Variants in CROT observed in about 807,000 individuals in gnomAD.
The protein encoded by CROT is peroxisomal carnitine O-octanoyltransferase.
In CROT, 84 loss-of-function variants were observed where a neutral mutation model predicts 89.2. That is an observed-to-expected ratio of 0.94 (90% CI 0.79 to 1.13). CROT has a LOEUF of 1.13. Among genes scored for constraint, CROT ranks in the 50% most tolerant of loss-of-function variants. The pLI is 0.00. For synonymous variants in CROT, 212 were observed against 239.5 expected, an observed-to-expected ratio of 0.89 and a Z score of 1.06; for missense variants, 711 against 727.8, an observed-to-expected ratio of 0.98 and a Z score of 0.27.
intron 3 of CROT, among the ~76,000 whole-genome samples, chr7:87,355,887 C>T (rs1470262626): frequency 6.6e-6 from 1 of 152,172 alleles, no homozygotes; most frequent in Non-Finnish European, 1.5e-5. Flanking sequence ...ACAAAGAGCA[C>T]TCACCTATAC....
At chr7:87,354,773 T>C (rs1310272118) in intron 3 of CROT, among the ~76,000 whole-genome samples, 1 of 152,206 alleles carries the variant, frequency 6.6e-6, no homozygotes, top group Non-Finnish European at 1.5e-5. Context: ...TAAAATTTCT[T>C]GTAATTTTAT....
At chr7:87,362,189 T>C (rs1423581916) in intron 6 of CROT, among the ~76,000 whole-genome samples, 1 of 152,176 alleles carries the variant, frequency 6.6e-6, no homozygotes, top group African/African-American at 2.4e-5. Flanking sequence ...TCATTTTTTA[T>C]TACCTGAATT....
intron 17 of CROT, 53 bp from the exon 18 acceptor site, chr7:87,398,471 A>G (rs989143250): frequency 1.9e-6 from 3 of 1,604,030 alleles, no homozygotes; most frequent in Admixed American, 1.7e-5. Context: ...TGTATTCACC[A>G]TCACTATTTG....
At chr7:87,352,278 T>C (rs1258525371) in intron 3 of CROT, among the ~76,000 whole-genome samples, 2 of 152,200 alleles carry the variant, frequency 1.3e-5, no homozygotes, top group Non-Finnish European at 2.9e-5. Flanking sequence ...ATGGCCAAGC[T>C]CTTATTTTGT....
chr7:87,375,864 T>C lies in CROT; in HGVS notation c.787T>C (p.Leu263=). ...EYLIGLDPEN[L]ALLEKIQSSL... ...TCTGATTGGTCTTGATCCAGAGAAC[T>C]TGGCTTTGTTAGAAAAAATTCAGAG... is the stretch of plus-strand genomic sequence containing the variant. The change falls in exon 9 of 18, where the codon TTG becomes CTG. Residue 263 remains leucine, a synonymous_variant. Coordinates refer to ENST00000331536, the MANE Select transcript of CROT (RefSeq NM_021151.4). The C allele has an allele frequency of 6.2e-7, 1 of 1,613,598 alleles. No homozygotes were observed. The highest frequency in any genetic ancestry group is 8.5e-7 in the Non-Finnish European group (1 of 1,179,630).
intron 6 of CROT, among the ~76,000 whole-genome samples, chr7:87,367,208 A>C (rs1806476221): frequency 6.6e-6 from 1 of 152,230 alleles, no homozygotes; most frequent in South Asian, 2.1e-4. Flanking sequence ...TATAATCACA[A>C]GGGTCCTTAT....
In CROT at chr7:87,377,404, A is replaced by G. The variant is rs372942295; in HGVS notation, c.932A>G (p.Tyr311Cys). 57 of 1,611,704 alleles carry G rather than the reference A, an allele frequency of 3.5e-5. No individual in the cohort carries two copies. The African/African-American group carries it at 6.5e-4, about 18-fold the overall frequency. Residue 311 changes from tyrosine to cysteine, a missense_variant, in exon 10 of 18, where the codon TAT becomes TGT. Physicochemically the swap from Tyr to Cys is radical, Grantham distance 194. Transcript: ENST00000331536. ...DPTVRWGDKS[Y>C]NLISFSNGVF... is the part of the protein sequence containing the mutation. ...ACAGTACGCTGGGGTGACAAATCCT[A>G]TAACTTGATTTCCTTTTCTAATGGA...
At chr7:87,381,655 C>A (rs1201099352) in intron 10 of CROT, among the ~76,000 whole-genome samples, 1 of 152,042 alleles carries the variant, frequency 6.6e-6, no homozygotes, top group Admixed American at 6.6e-5. Flanking sequence ...TTTTATACAC[C>A]CTCATGACCC....
intron 10 of CROT, among the ~76,000 whole-genome samples, 177 bp from the exon 11 acceptor site, chr7:87,381,733 A>G (rs1465930157): frequency 6.6e-6 from 1 of 152,226 alleles, no homozygotes; most frequent in East Asian, 1.9e-4. Context: ...AAAATAAAAT[A>G]TAGCAGTTAC....
chr7:87,349,210 T>C, intron 3 of CROT, 27 bp downstream of exon 3: 1 of 1,097,216 alleles, frequency 9.1e-7, no homozygotes, highest in Non-Finnish European at 1.3e-6. Context: ...TTAGTATATA[T>C]TAATATTATT....
intron 6 of CROT, among the ~76,000 whole-genome samples, chr7:87,363,910 C>T (rs1487174247): frequency 1.3e-5 from 2 of 151,952 alleles, no homozygotes; most frequent in African/African-American, 4.8e-5. Context: ...TTTGGGTTAG[C>T]AGGAATATTC....
rs867575318 is a variant in CROT at position 87,398,571 on chromosome 7, C to G, written c.1766C>G (p.Ala589Gly). The change falls in exon 18 of 18, where the codon GCG (alanine) becomes GGG (glycine). Residue 589 changes from alanine (A) to glycine (G), a missense_variant. By Grantham distance (60) the Ala-to-Gly change is moderately conservative. Coordinates refer to ENST00000331536, the MANE Select transcript of CROT (RefSeq NM_021151.4). ...SAWKSCPETD[A>G]EKLVQLTFCA... ...TGGAAATCCTGTCCCGAGACTGATGCGGAAAAGCTAGTTCAGCTGACTTTT... is the reference window on the plus strand; with the variant it reads ...TGGAAATCCTGTCCCGAGACTGATGGGGAAAAGCTAGTTCAGCTGACTTTT... 1 of 1,613,624 alleles carries G rather than the reference C, an allele frequency of 6.2e-7. No individual in the cohort carries two copies.
At position 87,398,538 on chromosome 7, in the gene CROT, G is replaced by A. The variant is rs149253384; in HGVS notation, c.1733G>A (p.Cys578Tyr). ...ATGCTTCACAGGTTTGTTGTGGCCT[G>A]TTCAGCCTGGAAATCCTGTCCCGAG... ...HIRDDRFVVA[C>Y]SAWKSCPETD... Residue 578 changes from cysteine (C) to tyrosine (Y), a missense_variant, in exon 18 of 18, where the codon TGT becomes TAT. Coordinates refer to ENST00000331536, the MANE Select transcript of CROT (RefSeq NM_021151.4). 10 of 1,613,528 alleles carry A rather than the reference G, an allele frequency of 6.2e-6. No individual in the cohort carries two copies. The highest frequency in any genetic ancestry group is 7.6e-6 in the Non-Finnish European group (9 of 1,179,876).
At chr7:87,359,746 C>A in intron 4 of CROT, 1 of 998,074 alleles carries the variant, frequency 1.0e-6, no homozygotes, top group African/African-American at 1.7e-5. Context: ...GAAAGGGAAT[C>A]ATTAAAAATC....
chr7:87,352,586 A>G (rs779345272), intron 3 of CROT, among the ~76,000 whole-genome samples: 1 of 152,256 alleles, frequency 6.6e-6, no homozygotes, highest in Non-Finnish European at 1.5e-5. Flanking sequence ...TTGTTCAGCT[A>G]TAGAGGCAGT....
intron 3 of CROT, chr7:87,354,305 CA>C (rs1458582111): frequency 1.8e-5 from 9 of 500,790 alleles, no homozygotes; most frequent in Admixed American, 4.0e-5. Context: ...ACCAAAAAGG[CA>C]AAGAAAAATT....
In CROT at chr7:87,377,364, C is replaced by T. The variant is rs1477821426; in HGVS notation, c.892C>T (p.Leu298Phe). Residue 298 changes from leucine (L) to phenylalanine (F), a missense_variant, in exon 10 of 18, where the codon CTT becomes TTT. Leu to Phe is a conservative substitution (Grantham distance 22). Coordinates refer to ENST00000331536, the MANE Select transcript of CROT (RefSeq NM_021151.4). ...TTTATTTTAGATTATTGCAGCCATC[C>T]TTATTGGAGATCCAACAGTACGCTG... ...EDYSEIIAAI[L>F]IGDPTVRWGD... 1 of 1,603,962 alleles carries T rather than the reference C, an allele frequency of 6.2e-7. No individual in the cohort carries two copies. Among genetic ancestry groups the T allele is most frequent in the South Asian group, 1.1e-5 (1 of 90,052 alleles).
chr7:87,363,628 A>G (rs1292546521), intron 6 of CROT, among the ~76,000 whole-genome samples: 2 of 152,232 alleles, frequency 1.3e-5, no homozygotes, highest in African/African-American at 2.4e-5. Flanking sequence ...AGTACTTTAT[A>G]AAACAAGGTA....
At chr7:87,397,689 G>C (rs1286941784) in intron 17 of CROT, among the ~76,000 whole-genome samples, 1 of 152,138 alleles carries the variant, frequency 6.6e-6, no homozygotes, top group African/African-American at 2.4e-5. Flanking sequence ...TTACTTTTCT[G>C]CAAATATAAT....
Sources: allele counts gnomAD v4.1 joint callset (sites outside exome capture counted in the v4.1 genomes callset), GRCh38; gene constraint gnomAD v4.1.1; transcripts MANE v1.5; gene names NCBI Gene and HGNC (gene_info 2026-07-23, HGNC 2026-07-21).